TMEFF2: variants seen among roughly 807,000 people sequenced by gnomAD.
TMEFF2 encodes tomoregulin-2.
In TMEFF2, 28 loss-of-function variants were observed where a neutral mutation model predicts 53.8. That is an observed-to-expected ratio of 0.52 (90% CI 0.39 to 0.71). The LOEUF is 0.71. TMEFF2 is among the 30% of genes least tolerant of loss of function. TMEFF2 has a pLI of 0.00. For synonymous variants in TMEFF2, 162 were observed against 166.3 expected (o/e 0.97, Z 0.20); for missense variants, 353 against 455.2 (o/e 0.78, Z 2.04).
At chr2:192,145,458 T>C (rs942882670) in intron 4 of TMEFF2, among the ~76,000 whole-genome samples, 1 of 151,968 alleles carries the variant, frequency 6.6e-6, no homozygotes, top group Non-Finnish European at 1.5e-5. Context: ...AGCAATTCCT[T>C]GGCAGTAGCA....
At chr2:191,996,227 T>C (rs1027963644) in intron 7 of TMEFF2, among the ~76,000 whole-genome samples, 2 of 151,954 alleles carry the variant, frequency 1.3e-5, no homozygotes, top group African/African-American at 4.8e-5. Flanking sequence ...ACTTTATAAA[T>C]GCATATATAT....
At chr2:192,163,720 T>C (rs1178153698) in intron 4 of TMEFF2, among the ~76,000 whole-genome samples, 3 of 152,226 alleles carry the variant, frequency 2.0e-5, no homozygotes, top group Admixed American at 1.3e-4. Context: ...CTTTGGTTTT[T>C]AAAATAATGC....
At chr2:191,993,100 G>T (rs2105828479) in intron 7 of TMEFF2, among the ~76,000 whole-genome samples, 1 of 152,116 alleles carries the variant, frequency 6.6e-6, no homozygotes, top group African/African-American at 2.4e-5. Flanking sequence ...CATGTTTGTT[G>T]TGAAGACTGA....
intron 5 of TMEFF2, among the ~76,000 whole-genome samples, chr2:192,034,369 C>A (rs924073259): frequency 1.3e-5 from 2 of 152,032 alleles, no homozygotes; most frequent in African/African-American, 4.8e-5. Context: ...AAAGATTGAG[C>A]TGAAAAATAT....
At chr2:192,091,431 T>C (rs1256000893) in intron 4 of TMEFF2, among the ~76,000 whole-genome samples, 1 of 151,846 alleles carries the variant, frequency 6.6e-6, no homozygotes, top group African/African-American at 2.4e-5. Flanking sequence ...AAATTTGCAA[T>C]TGCACAAAGG....
chr2:191,954,538 T>C (rs946812912), intron 8 of TMEFF2, among the ~76,000 whole-genome samples: 5 of 152,190 alleles, frequency 3.3e-5, no homozygotes, highest in East Asian at 1.9e-4. Context: ...TGAAAAAATA[T>C]GTGTTTCTGA....
chr2:192,131,845 CA>C (rs1689840570), intron 4 of TMEFF2, among the ~76,000 whole-genome samples: 1 of 152,170 alleles, frequency 6.6e-6, no homozygotes, highest in African/African-American at 2.4e-5. Flanking sequence ...ACAGTAGTTC[CA>C]AATAGCCGGA....
At chr2:192,089,823 A>G (rs1256050127) in intron 4 of TMEFF2, among the ~76,000 whole-genome samples, 1 of 152,200 alleles carries the variant, frequency 6.6e-6, no homozygotes, top group Non-Finnish European at 1.5e-5. Context: ...AGAAGGTTAA[A>G]TAAGAAAAGA....
At chr2:192,154,922 A>C (rs1690471681) in intron 4 of TMEFF2, among the ~76,000 whole-genome samples, 1 of 151,922 alleles carries the variant, frequency 6.6e-6, no homozygotes, top group Non-Finnish European at 1.5e-5. Context: ...ATAGGTCTAA[A>C]TGGGTTTTCA....
intron 5 of TMEFF2, among the ~76,000 whole-genome samples, chr2:192,011,693 T>C (rs925499731): frequency 8.5e-5 from 13 of 152,338 alleles, no homozygotes; most frequent in African/African-American, 2.9e-4. Context: ...ATTAGACTTA[T>C]CAGTTATTAC....
At chr2:192,086,401 A>G (rs1436390568) in intron 4 of TMEFF2, among the ~76,000 whole-genome samples, 2 of 152,234 alleles carry the variant, frequency 1.3e-5, no homozygotes, top group Non-Finnish European at 2.9e-5. Flanking sequence ...TTTTGTCTTG[A>G]GTCAAGGTTT....
chr2:192,141,150 T>A (rs1237770273), intron 4 of TMEFF2, among the ~76,000 whole-genome samples: 1 of 152,026 alleles, frequency 6.6e-6, no homozygotes, highest in Non-Finnish European at 1.5e-5. Context: ...GTTAGAACTG[T>A]AGGAATATTA....
chr2:192,129,345 C>A (rs1198594260), intron 4 of TMEFF2, among the ~76,000 whole-genome samples: 1 of 147,856 alleles, frequency 6.8e-6, no homozygotes, highest in Non-Finnish European at 1.5e-5. Context: ...TATACTCTGA[C>A]ACATTTTACC....
At position 191,949,242 on chromosome 2, in the gene TMEFF2, G is replaced by T; in HGVS notation, c.*1069C>A. 3 of 985,290 alleles carry T rather than the reference G, an allele frequency of 3.0e-6. No homozygotes were observed. The highest frequency in any genetic ancestry group is 3.6e-6 in the Non-Finnish European group (3 of 829,894). The allele number at this position is 985,290 out of a possible 1,614,324, so 61.0% of individuals were successfully genotyped here. ...AAATCCATACCAACTTCCCAGTGAGGTCTTTCAGATGCTATAGGATTAATT... is the reference window on the plus strand; with the variant it reads ...AAATCCATACCAACTTCCCAGTGAGTTCTTTCAGATGCTATAGGATTAATT... On this transcript the variant is annotated 3_prime_UTR_variant, in exon 10 of 10. Coordinates refer to ENST00000272771, the MANE Select transcript of TMEFF2 (RefSeq NM_016192.4).
intron 4 of TMEFF2, among the ~76,000 whole-genome samples, chr2:192,152,062 C>T (rs753479615): frequency 3.2e-4 from 49 of 151,642 alleles, no homozygotes; most frequent in Non-Finnish European, 5.3e-4. Flanking sequence ...GGTGGTAATC[C>T]GGAGATGAAT....
intron 7 of TMEFF2, among the ~76,000 whole-genome samples, chr2:191,995,783 TTAAC>T (rs1240925568): frequency 2.0e-5 from 3 of 152,010 alleles, no homozygotes; most frequent in African/African-American, 7.2e-5. Flanking sequence ...CAATCTATGT[TTAAC>T]TAGGAATTAC....
chr2:192,193,765 G>T lies in TMEFF2; in HGVS notation c.172+588C>A, dbSNP rs575815109. On this transcript the variant is annotated intron_variant, in intron 1 of 9. Coordinates refer to ENST00000272771, the MANE Select transcript of TMEFF2 (RefSeq NM_016192.4). ...AGAGAGAGAGAGATAGATAGATAGA[G>T]AGAGAGAGAGAGAGAGAGAGAGAGA... Among the ~76,000 whole-genome samples, 95 of 26,104 alleles carry T rather than the reference G, an allele frequency of 3.6e-3. 1 individual carries two copies. The highest frequency in any genetic ancestry group is 9.1e-3 in the African/African-American group (68 of 7,450). 17.1% of individuals were successfully genotyped at this position (26,104 alleles called of 152,430 possible).
intron 4 of TMEFF2, among the ~76,000 whole-genome samples, chr2:192,161,411 C>T (rs1690630047): frequency 6.6e-6 from 1 of 152,102 alleles, no homozygotes; most frequent in African/African-American, 2.4e-5. Flanking sequence ...CCTCGGCCTC[C>T]CAAAGTGTTG....
At chr2:192,174,000 C>T (rs1054726734) in intron 4 of TMEFF2, among the ~76,000 whole-genome samples, 1 of 151,704 alleles carries the variant, frequency 6.6e-6, no homozygotes, top group Non-Finnish European at 1.5e-5. Flanking sequence ...TTTTAATCAT[C>T]TTTCCTATAG....
Sources: allele counts gnomAD v4.1 joint callset (sites outside exome capture counted in the v4.1 genomes callset), GRCh38; gene constraint gnomAD v4.1.1; transcripts MANE v1.5; gene names NCBI Gene and HGNC (gene_info 2026-07-23, HGNC 2026-07-21).